PTPRN2: variants seen among roughly 807,000 people sequenced by gnomAD.
PTPRN2 encodes the protein receptor-type tyrosine-protein phosphatase N2.
PTPRN2 carries 74 observed loss-of-function variants against 118.8 expected under a neutral mutation model. The observed-to-expected ratio is 0.62, with a 90% CI of 0.52 to 0.76. The LOEUF (loss-of-function observed/expected upper bound fraction) is 0.76, where lower values mean the gene tolerates loss of function less well. Among genes scored for constraint, PTPRN2 ranks in the 30% least tolerant of loss-of-function variants. The pLI is 0.00. For missense variants in PTPRN2, 1,481 were observed against 1,394.4 expected, an observed-to-expected ratio of 1.06 and a Z score of -0.99; for synonymous variants, 641 against 608.0, an observed-to-expected ratio of 1.05 and a Z score of -0.80.
intron 3 of PTPRN2, among the ~76,000 whole-genome samples, chr7:158,271,703 G>A (rs1401294645): frequency 6.6e-6 from 1 of 152,192 alleles, no homozygotes; most frequent in African/African-American, 2.4e-5. Flanking sequence ...CTTTCTCACA[G>A]TTCTGGAGAT....
intron 15 of PTPRN2, among the ~76,000 whole-genome samples, chr7:157,613,601 G>A (rs900337041): frequency 2.6e-5 from 4 of 152,182 alleles, no homozygotes; most frequent in African/African-American, 7.2e-5. Context: ...GCCTCTTCCC[G>A]CGGGAGGAGG....
At chr7:158,457,599 TGCGGGACCACAG>T (rs1260209007) in intron 2 of PTPRN2, among the ~76,000 whole-genome samples, 1 of 92,594 alleles carries the variant, frequency 1.1e-5, no homozygotes, top group Non-Finnish European at 2.3e-5. Flanking sequence ...TACCTCGGCC[TGCGGGACCACAG>T]CGGATGCGCG....
intron 22 of PTPRN2, 125 bp from the exon 23 acceptor site, chr7:157,540,910 C>T (rs183424146): frequency 1.1e-4 from 81 of 717,446 alleles, no homozygotes; most frequent in African/African-American, 9.8e-4. Flanking sequence ...GCTCCCCGGG[C>T]CATTTCGCAG....
intron 11 of PTPRN2, among the ~76,000 whole-genome samples, chr7:157,930,277 T>C (rs1395161430): frequency 6.6e-6 from 1 of 152,222 alleles, no homozygotes; most frequent in Non-Finnish European, 1.5e-5. Flanking sequence ...GCATACAGCG[T>C]GTTAAGTGAT....
intron 11 of PTPRN2, among the ~76,000 whole-genome samples, chr7:158,068,701 G>T (rs576374701): frequency 6.6e-6 from 1 of 152,294 alleles, no homozygotes; most frequent in Non-Finnish European, 1.5e-5. Flanking sequence ...CCTGCCACCA[G>T]CATTCATTGG....
chr7:158,494,841 C>T (rs1182260063), intron 1 of PTPRN2, among the ~76,000 whole-genome samples: 1 of 152,174 alleles, frequency 6.6e-6, no homozygotes, highest in African/African-American at 2.4e-5. Context: ...CAGCACCACT[C>T]ACTTGGTACA....
At chr7:157,549,609 G>A (rs1232232171) in intron 21 of PTPRN2, among the ~76,000 whole-genome samples, 3 of 152,300 alleles carry the variant, frequency 2.0e-5, no homozygotes, top group Non-Finnish European at 2.9e-5. Context: ...CCGATCTCAC[G>A]GCAGGTGATG....
chr7:158,318,949 G>T (rs77688467), intron 2 of PTPRN2, among the ~76,000 whole-genome samples: 1 of 152,194 alleles, frequency 6.6e-6, no homozygotes. Context: ...AAATCATTCA[G>T]CTTTTCATAA....
intron 13 of PTPRN2, among the ~76,000 whole-genome samples, chr7:157,679,931 C>G (rs1165983939): frequency 6.6e-6 from 1 of 152,124 alleles, no homozygotes; most frequent in Admixed American, 6.5e-5. Context: ...GCCACCAGTG[C>G]CCCCCAGGAT....
At chr7:157,775,449 C>T (rs551860668) in intron 12 of PTPRN2, among the ~76,000 whole-genome samples, 2 of 152,240 alleles carry the variant, frequency 1.3e-5, no homozygotes, top group Non-Finnish European at 2.9e-5. Flanking sequence ...GGAAAACAAA[C>T]CCTTGCAGTT....
At chr7:158,288,479 C>T (rs893988457) in intron 3 of PTPRN2, among the ~76,000 whole-genome samples, 17 of 152,070 alleles carry the variant, frequency 1.1e-4, no homozygotes, top group African/African-American at 4.1e-4. Context: ...TTGTAGTTAC[C>T]ATGAGGCTTA....
rs140670598 is a variant in PTPRN2, at chr7:158,261,696, G to A, written c.277+55123C>T. ...CTCCCCCCAGCACACATGGGTCCCTGTCTGGGCATGCACACCGCCAGGACA... is the reference window on the plus strand; with the variant it reads ...CTCCCCCCAGCACACATGGGTCCCTATCTGGGCATGCACACCGCCAGGACA... On this transcript the variant is annotated intron_variant, in intron 3 of 22. Coordinates refer to ENST00000389418, the MANE Select transcript of PTPRN2 (RefSeq NM_002847.5). Among the ~76,000 whole-genome samples, 627 of 152,300 alleles carry A rather than the reference G, an allele frequency of 4.1e-3. 2 individuals carry two copies. Among genetic ancestry groups the A allele is most frequent in the African/African-American group, 6.6e-3 (276 of 41,570 alleles).
intron 6 of PTPRN2, among the ~76,000 whole-genome samples, chr7:158,146,569 A>C (rs1311693419): frequency 6.6e-6 from 1 of 151,660 alleles, no homozygotes; most frequent in Non-Finnish European, 1.5e-5. Context: ...AAAATACAAA[A>C]AATTAGCCAG....
intron 12 of PTPRN2, among the ~76,000 whole-genome samples, chr7:157,844,793 G>A (rs547458123): frequency 2.0e-5 from 3 of 152,312 alleles, no homozygotes; most frequent in African/African-American, 7.2e-5. Context: ...TGAGCTGGGC[G>A]CTGCCTGCAT....
intron 10 of PTPRN2, among the ~76,000 whole-genome samples, chr7:158,097,733 T>C (rs947357863): frequency 7.2e-5 from 11 of 152,376 alleles, no homozygotes; most frequent in African/African-American, 2.4e-4. Flanking sequence ...GCCGGTCTGC[T>C]GGCATAATTA....
intron 2 of PTPRN2, among the ~76,000 whole-genome samples, chr7:158,345,221 G>T (rs563661116): frequency 6.6e-6 from 1 of 152,148 alleles, no homozygotes; most frequent in African/African-American, 2.4e-5. Flanking sequence ...AACTAAAGAA[G>T]TCATCTGAGT....
At chr7:157,548,669 C>T (rs540715367) in intron 22 of PTPRN2, among the ~76,000 whole-genome samples, 5 of 152,138 alleles carry the variant, frequency 3.3e-5, no homozygotes, top group African/African-American at 1.2e-4. Flanking sequence ...GTTCTCCCCC[C>T]ACCCCCAAAT....
In PTPRN2 at chr7:158,563,169, A is replaced by G. The variant is rs1386054330; in HGVS notation, c.112+24389T>C. On this transcript the variant is annotated intron_variant, in intron 1 of 22. Transcript: ENST00000389418. This position sits in a 1 kb window ranked among gnomAD's most constrained non-coding sequence, Gnocchi z 5.1. The stretch of plus-strand genomic sequence containing the variant: ...GAAGAGAGGTCCTACCTGAAACCTC[A>G]CAGGGAAATTTGTGCCTTCTCCCAA... Among the ~76,000 whole-genome samples, 1 of 152,182 alleles carries G rather than the reference A, an allele frequency of 6.6e-6. No individual in the cohort carries two copies. Among genetic ancestry groups the G allele is most frequent in the African/African-American group, 2.4e-5 (1 of 41,444 alleles).
chr7:157,705,233 G>C lies in PTPRN2; in HGVS notation c.1789-22296C>G, dbSNP rs1048662817. 4.6e-5 allele frequency among the ~76,000 whole-genome samples: 7 copies of C among 152,324 alleles called. No individual in the cohort carries two copies. In the East Asian group the frequency reaches 9.6e-4, roughly 21 times the overall value. On this transcript the variant is annotated intron_variant, in intron 12 of 22. Transcript: ENST00000389418. ...AGGCAGAAGAATTGCTTGAACCCAG[G>C]AGGTGGAGGTTGCAGTGAGCCGAGA...
Sources: gnomAD v4.1 joint callset for allele counts (sites outside exome capture counted in the v4.1 genomes callset) on GRCh38, gnomAD v4.1.1 for gene constraint, Gnocchi (gnomAD v3.1) non-coding constraint, MANE v1.5 for transcripts, NCBI Gene and HGNC (gene_info 2026-07-23, HGNC 2026-07-21) for gene names.